RAB6B: variants seen among roughly 807,000 people sequenced by gnomAD.
RAB6B encodes ras-related protein Rab-6B.
A neutral mutation model predicts 31.2 loss-of-function variants in RAB6B; 7 were observed. That is an observed-to-expected ratio of 0.22 (90% CI 0.13 to 0.42). The LOEUF (loss-of-function observed/expected upper bound fraction) is 0.42. Among genes scored for constraint, RAB6B ranks in the 10% least tolerant of loss-of-function variants. RAB6B has a pLI of 1.00. For synonymous variants in RAB6B, 105 were observed against 104.9 expected, an observed-to-expected ratio of 1.00 and a Z score of -0.01; for missense variants, 149 against 280.6, an observed-to-expected ratio of 0.53 and a Z score of 3.35.
intron 1 of RAB6B, among the ~76,000 whole-genome samples, chr3:133,880,936 G>T (rs1936458420): frequency 1.3e-5 from 2 of 152,188 alleles, no homozygotes; most frequent in Admixed American, 1.3e-4. Flanking sequence ...CACTGACTCT[G>T]GGGTGGAAAA....
chr3:133,895,069 G>A (rs9810893), intron 1 of RAB6B, among the ~76,000 whole-genome samples: 4,156 of 152,236 alleles, frequency 0.027, 77 homozygotes, highest in Non-Finnish European at 0.038. Context: ...GAGCTAGCCA[G>A]CGAGCCCGGT....
In RAB6B at chr3:133,827,751, C is replaced by CCCCA; in HGVS notation, c.*1036_*1037insTGGG. On this transcript the variant is annotated 3_prime_UTR_variant, in exon 8 of 8. Transcript: ENST00000285208. ...GTGGTGGTTCTGCAGACAACACCCC[C>CCCCA]CCCCCCCCCCGCCTCCCCATCACAG... The CCCCA allele has an allele frequency of 1.5e-5, 1 of 66,296 alleles. No individual in the cohort carries two copies. The highest frequency in any genetic ancestry group is 4.2e-5 in the Non-Finnish European group (1 of 24,070). The allele number at this position is 66,296 out of a possible 1,614,324, so 4.1% of individuals were successfully genotyped here.
intron 3 of RAB6B, 64 bp from the exon 4 acceptor site, chr3:133,841,454 C>G: frequency 6.3e-7 from 1 of 1,576,392 alleles, no homozygotes; most frequent in South Asian, 1.1e-5. Context: ...CCTCCTGGTC[C>G]GGGGGACTGG....
At chr3:133,888,619 C>A (rs185762886) in intron 1 of RAB6B, among the ~76,000 whole-genome samples, 4 of 152,234 alleles carry the variant, frequency 2.6e-5, no homozygotes, top group African/African-American at 9.6e-5. Context: ...ATAAGTTTTT[C>A]TACAAAAAAT....
rs574469804 is a variant in RAB6B at position 133,862,765 on chromosome 3, T to G, written c.129+1819A>C. On this transcript the variant is annotated intron_variant, in intron 2 of 7. Transcript: ENST00000285208. ...AATGACATGGGGAGGAGATGAGGCT[T>G]TGATCCATACTAATGGGACCCACTG... Among the ~76,000 whole-genome samples, 6 of 152,226 alleles carry G rather than the reference T, an allele frequency of 3.9e-5. No individual in the cohort carries two copies. The South Asian group carries it at 1.2e-3, about 32-fold the overall frequency.
chr3:133,869,502 T>C (rs1013441191), intron 1 of RAB6B, among the ~76,000 whole-genome samples: 47 of 152,188 alleles, frequency 3.1e-4, no homozygotes, highest in African/African-American at 9.9e-4. Context: ...TCAGAAAGGA[T>C]CTTCAGCAGG....
At chr3:133,852,222 T>G (rs991638369) in intron 2 of RAB6B, among the ~76,000 whole-genome samples, 2 of 152,174 alleles carry the variant, frequency 1.3e-5, no homozygotes, top group African/African-American at 4.8e-5. Context: ...CTCAGACTTG[T>G]GCCAAATCAG....
At position 133,841,363 on chromosome 3, in the gene RAB6B, C is replaced by G; in HGVS notation, c.211G>C (p.Gly71Arg). The change falls in exon 4 of 8, where the codon GGT becomes CGT. Residue 71 changes from glycine (G) to arginine (R), a missense_variant. Physicochemically the swap from Gly to Arg is moderately radical, Grantham distance 125. Around this residue, in one of 2 missense-constraint regions of RAB6B, gnomAD observed 75 missense variants for 180.1 expected, o/e 0.42. Coordinates refer to ENST00000285208, the MANE Select transcript of RAB6B (RefSeq NM_016577.4). ...ATCAGGCTGCGGAACCTCTCCTGACCAGCTGTGTCCCAGAGCTGCAGTCGC... is the reference window on the plus strand; with the variant it reads ...ATCAGGCTGCGGAACCTCTCCTGACGAGCTGTGTCCCAGAGCTGCAGTCGC... ...TVRLQLWDTA[G>R]QERFRSLIPS... The G allele has an allele frequency of 6.2e-7, 1 of 1,614,150 alleles. No homozygotes were observed. The highest frequency in any genetic ancestry group is 8.5e-7 in the Non-Finnish European group (1 of 1,180,018).
intron 2 of RAB6B, among the ~76,000 whole-genome samples, chr3:133,860,298 G>A (rs1055507754): frequency 5.3e-5 from 8 of 152,192 alleles, no homozygotes; most frequent in African/African-American, 1.9e-4. Context: ...TCCAGTGACT[G>A]GTGTCCTCTT....
rs142370912 is a variant in RAB6B, at chr3:133,840,895, C to A, written c.289+390G>T. Among the ~76,000 whole-genome samples the A allele has an allele frequency of 6.5e-3, 997 of 152,300 alleles. 3 individuals carry two copies. Among genetic ancestry groups the A allele is most frequent in the Middle Eastern group, 0.01 (3 of 294 alleles). On this transcript the variant is annotated intron_variant, in intron 4 of 7. Transcript: ENST00000285208. The stretch of plus-strand genomic sequence containing the variant: ...GGGCCGGGGTTGGCCTAGGGACCAG[C>A]GTCTTCTCCCATGGTGACACACATA...
intron 1 of RAB6B, among the ~76,000 whole-genome samples, chr3:133,869,295 G>A (rs574783468): frequency 6.6e-6 from 1 of 152,382 alleles, no homozygotes; most frequent in South Asian, 2.1e-4. Context: ...GTGAGGAAGA[G>A]TGAGTAGCAA....
At chr3:133,835,929 T>C (rs1395225372) in intron 6 of RAB6B, among the ~76,000 whole-genome samples, 4 of 152,206 alleles carry the variant, frequency 2.6e-5, no homozygotes, top group Non-Finnish European at 5.9e-5. Flanking sequence ...GCTGTTTATA[T>C]GCTACCCTGC....
intron 7 of RAB6B, among the ~76,000 whole-genome samples, chr3:133,832,485 C>T (rs534092708): frequency 8.5e-5 from 13 of 152,306 alleles, no homozygotes; most frequent in African/African-American, 1.9e-4. Flanking sequence ...GTTTATACAG[C>T]GCCACAAAGC....
intron 3 of RAB6B, 76 bp downstream of exon 3, chr3:133,841,534 G>A: frequency 6.4e-7 from 1 of 1,562,402 alleles, no homozygotes; most frequent in Non-Finnish European, 8.8e-7. Flanking sequence ...TCTCAGTGGT[G>A]CCCAGCTAAG....
intron 2 of RAB6B, among the ~76,000 whole-genome samples, chr3:133,862,200 C>T (rs978905051): frequency 5.9e-5 from 9 of 151,890 alleles, no homozygotes; most frequent in Non-Finnish European, 8.8e-5. Flanking sequence ...CTCTTGTCAC[C>T]ACACTGGGTC....
intron 2 of RAB6B, among the ~76,000 whole-genome samples, chr3:133,853,504 G>A (rs1936031239): frequency 6.6e-6 from 1 of 151,526 alleles, no homozygotes; most frequent in African/African-American, 2.4e-5. Context: ...ATGCTCCCCA[G>A]GACAGACCAT....
chr3:133,839,434 G>A (rs892434456), intron 5 of RAB6B, 72 bp downstream of exon 5: 57 of 1,314,510 alleles, frequency 4.3e-5, no homozygotes, highest in Non-Finnish European at 6.1e-5. Context: ...ATGCATCCCA[G>A]AGCTCCCTGT....
intron 2 of RAB6B, among the ~76,000 whole-genome samples, chr3:133,844,872 G>A (rs1012359731): frequency 6.6e-6 from 1 of 152,014 alleles, no homozygotes; most frequent in African/African-American, 2.4e-5. Flanking sequence ...AGGCTGGTGG[G>A]GCTGAGGATG....
At chr3:133,882,572 ACTAAAGCGCTCCTAG>A (rs1936483687) in intron 1 of RAB6B, among the ~76,000 whole-genome samples, 1 of 152,232 alleles carries the variant, frequency 6.6e-6, no homozygotes, top group Non-Finnish European at 1.5e-5. Context: ...CTGCCTTGAG[ACTAAAGCGCTCCTAG>A]CTGGCCTGGG....
Sources: allele counts gnomAD v4.1 joint callset (sites outside exome capture counted in the v4.1 genomes callset), GRCh38; gene constraint gnomAD v4.1.1; regional missense constraint gnomAD v4.1.1; transcripts MANE v1.5; gene names NCBI Gene and HGNC (gene_info 2026-07-23, HGNC 2026-07-21).